CYRIB: variants seen among roughly 807,000 people sequenced by gnomAD.
The protein encoded by CYRIB is CYFIP related Rac1 interactor B.
A neutral mutation model predicts 44.2 loss-of-function variants in CYRIB; 8 were observed. That is an observed-to-expected ratio of 0.18 (90% confidence interval 0.11 to 0.33). The LOEUF (loss-of-function observed/expected upper bound fraction) is 0.33. Among genes scored for constraint, CYRIB ranks in the 10% least tolerant of loss-of-function variants. CYRIB has a pLI of 1.00. For synonymous variants in CYRIB, 131 were observed against 127.2 expected (o/e 1.03, Z -0.20); for missense variants, 185 against 382.8 (o/e 0.48, Z 4.31).
At chr8:129,982,426 A>G (rs1344478471) in intron 1 of CYRIB, among the ~76,000 whole-genome samples, 1 of 151,626 alleles carries the variant, frequency 6.6e-6, no homozygotes, top group Non-Finnish European at 1.5e-5. Context: ...AAACATAAAT[A>G]GCCCCATGCG....
At chr8:129,986,173 G>A (rs2096448755) in intron 1 of CYRIB, among the ~76,000 whole-genome samples, 3 of 152,212 alleles carry the variant, frequency 2.0e-5, no homozygotes, top group Non-Finnish European at 4.4e-5. Context: ...AGATGCAAAC[G>A]AAATTCTGGG....
chr8:129,875,481 A>G (rs1412797139), intron 3 of CYRIB, among the ~76,000 whole-genome samples: 3 of 152,042 alleles, frequency 2.0e-5, no homozygotes, highest in Non-Finnish European at 4.4e-5. Flanking sequence ...AAAGTGCTGG[A>G]ATTACAGCCA....
chr8:129,857,662 G>A (rs2046918175), intron 5 of CYRIB, among the ~76,000 whole-genome samples: 1 of 152,124 alleles, frequency 6.6e-6, no homozygotes, highest in African/African-American at 2.4e-5. Flanking sequence ...ATAGGGGTAT[G>A]GATGGTGTAT....
intron 4 of CYRIB, among the ~76,000 whole-genome samples, chr8:129,867,043 C>T (rs1329591381): frequency 1.3e-5 from 2 of 152,192 alleles, no homozygotes; most frequent in African/African-American, 4.8e-5. Context: ...AATCCTAGCA[C>T]TTTGGGACGC....
At chr8:129,896,132 G>GC (rs1428212683) in intron 2 of CYRIB, among the ~76,000 whole-genome samples, 2 of 152,262 alleles carry the variant, frequency 1.3e-5, no homozygotes, top group South Asian at 2.1e-4. Flanking sequence ...TGAAACTCCA[G>GC]CCTAACAGAC....
chr8:129,972,148 C>T (rs2095718370), intron 1 of CYRIB, among the ~76,000 whole-genome samples: 1 of 152,208 alleles, frequency 6.6e-6, no homozygotes, highest in South Asian at 2.1e-4. Flanking sequence ...AGAACCCTAT[C>T]TGCTGATAAT....
chr8:129,868,080 T>C (rs1224521275), intron 4 of CYRIB, among the ~76,000 whole-genome samples: 2 of 152,230 alleles, frequency 1.3e-5, no homozygotes, highest in East Asian at 3.8e-4. Context: ...CTAAGTCTTA[T>C]TAATTAACAC....
chr8:129,871,023 C>T (rs776047355), intron 4 of CYRIB, among the ~76,000 whole-genome samples: 23 of 152,160 alleles, frequency 1.5e-4, no homozygotes, highest in Non-Finnish European at 2.9e-4. Context: ...AGGGAGACCA[C>T]ACTACATATT....
chr8:129,858,068 A>C (rs2047149111), intron 5 of CYRIB, among the ~76,000 whole-genome samples: 1 of 152,242 alleles, frequency 6.6e-6, no homozygotes. Context: ...TAAATCTGCT[A>C]ATCTGCCTTT....
chr8:129,969,015 CTT>C (rs55873104), intron 2 of CYRIB, among the ~76,000 whole-genome samples: 2 of 76,866 alleles, frequency 2.6e-5, no homozygotes, highest in African/African-American at 1.0e-4. Context: ...ATTTGTCCTC[CTT>C]TTTTTTTTTT....
chr8:129,940,490 TGG>T (rs1431889437), upstream of CYRIB, among the ~76,000 whole-genome samples: 2 of 152,158 alleles, frequency 1.3e-5, no homozygotes, highest in African/African-American at 4.8e-5. Flanking sequence ...ACCCCTGTTC[TGG>T]GGTCGACTCT....
intron 4 of CYRIB, 54 bp from the exon 7 acceptor site, chr8:129,862,388 T>C: frequency 3.8e-6 from 5 of 1,321,484 alleles, no homozygotes; most frequent in Non-Finnish European, 5.4e-6. Flanking sequence ...AAAAGGTTCA[T>C]TTTTACATTA....
intron 2 of CYRIB, among the ~76,000 whole-genome samples, chr8:129,956,977 TAC>T (rs1489153544): frequency 6.6e-6 from 1 of 151,934 alleles, no homozygotes; most frequent in African/African-American, 2.4e-5. Context: ...TAGCTGGGAC[TAC>T]AGACACACAC....
intron 2 of CYRIB, among the ~76,000 whole-genome samples, chr8:129,886,540 C>T (rs2062822161): frequency 6.6e-6 from 1 of 152,140 alleles, no homozygotes; most frequent in Non-Finnish European, 1.5e-5. Context: ...AGCAAAATTC[C>T]TTAAAAGGAA....
chr8:129,992,298 A>C (rs2096658895), intron 1 of CYRIB, among the ~76,000 whole-genome samples: 1 of 152,192 alleles, frequency 6.6e-6, no homozygotes, highest in African/African-American at 2.4e-5. Flanking sequence ...TGCCTCAAAA[A>C]ATAAAAATAA....
At chr8:129,911,188 G>C (rs1366127049) in intron 1 of CYRIB, among the ~76,000 whole-genome samples, 3 of 152,088 alleles carry the variant, frequency 2.0e-5, no homozygotes, top group Non-Finnish European at 4.4e-5. Context: ...CTATGTTTTA[G>C]ACACTGTACT....
At chr8:129,847,913 C>T (rs2041083334) in intron 10 of CYRIB, among the ~76,000 whole-genome samples, 1 of 152,116 alleles carries the variant, frequency 6.6e-6, no homozygotes. Flanking sequence ...GCGATTCTCC[C>T]ACCTCAGCCT....
chr8:129,914,677 T>C (rs1160312711), intron 1 of CYRIB, among the ~76,000 whole-genome samples: 1 of 152,226 alleles, frequency 6.6e-6, no homozygotes, highest in African/African-American at 2.4e-5. Flanking sequence ...ATACTAGTTT[T>C]ACTGTTTTAT....
intron 2 of CYRIB, among the ~76,000 whole-genome samples, chr8:129,961,020 G>T (rs973034066): frequency 2.7e-4 from 41 of 151,758 alleles, no homozygotes; most frequent in Non-Finnish European, 5.0e-4. Context: ...CATTTCAGAA[G>T]CTTTGAAAGC....
Sources: allele counts gnomAD v4.1 joint callset (sites outside exome capture counted in the v4.1 genomes callset), GRCh38; gene constraint gnomAD v4.1.1; transcripts MANE v1.5; gene names NCBI Gene and HGNC (gene_info 2026-07-23, HGNC 2026-07-21).